Variants in TDRD1 observed in about 807,000 individuals in gnomAD.
TDRD1 encodes the protein tudor domain containing 1, also known as tudor domain-containing protein 1.
Under a neutral mutation model 140.6 loss-of-function variants are expected in TDRD1, and 37 were observed. The observed-to-expected ratio is 0.26, with a 90% CI of 0.20 to 0.35. The LOEUF (loss-of-function observed/expected upper bound fraction) is 0.35. Among genes scored for constraint, TDRD1 ranks in the 10% least tolerant of loss-of-function variants. The pLI is 1.00. For synonymous variants in TDRD1, 506 were observed against 475.7 expected (o/e 1.06, Z -0.83); for missense variants, 1,243 against 1,393.0 (o/e 0.89, Z 1.71).
exon 2 of TDRD1, chr10:114,187,917 A>G (rs747219595): frequency 3.7e-6 from 6 of 1,613,254 alleles, no homozygotes; most frequent in South Asian, 1.1e-5. Flanking sequence ...TTTAATTTTG[A>G]GAAAAATGAA....
At chr10:114,217,841 G>T (rs1375510747) in intron 17 of TDRD1, among the ~76,000 whole-genome samples, 186 bp downstream of exon 17, 4 of 151,988 alleles carry the variant, frequency 2.6e-5, no homozygotes, top group African/African-American at 9.7e-5. Context: ...ATACTTTCTT[G>T]CCTTAACTTT....
At chr10:114,178,877 A>C (rs1468071367), upstream of TDRD1, among the ~76,000 whole-genome samples, 1 of 152,076 alleles carries the variant, frequency 6.6e-6, no homozygotes, top group Non-Finnish European at 1.5e-5. Flanking sequence ...CAAAAAAAAA[A>C]AAAAACAAAA....
At chr10:114,207,329 C>G (rs967792497) in intron 11 of TDRD1, among the ~76,000 whole-genome samples, 6 of 152,192 alleles carry the variant, frequency 3.9e-5, no homozygotes, top group African/African-American at 1.4e-4. Flanking sequence ...ATCCTTTGCC[C>G]TAATTGGTTG....
At chr10:114,204,973 A>G in intron 10 of TDRD1, 80 bp downstream of exon 10, 1 of 1,320,736 alleles carries the variant, frequency 7.6e-7, no homozygotes, top group Non-Finnish European at 1.0e-6. Flanking sequence ...GGAAACATCA[A>G]GTGAGGCCAG....
intron 3 of TDRD1, among the ~76,000 whole-genome samples, chr10:114,196,485 A>C (rs1413596670): frequency 1.3e-5 from 2 of 152,098 alleles, no homozygotes; most frequent in Non-Finnish European, 2.9e-5. Context: ...TCTGGCCTCC[A>C]TGGTCTCTAA....
At chr10:114,193,885 A>C (rs772797861) in intron 3 of TDRD1, among the ~76,000 whole-genome samples, 4 of 152,132 alleles carry the variant, frequency 2.6e-5, no homozygotes, top group Non-Finnish European at 4.4e-5. Flanking sequence ...CTCTAGTCCT[A>C]CTTTTCTGAT....
At chr10:114,221,411 T>C (rs1167808824) in exon 20 of TDRD1, 1 of 1,613,374 alleles carries the variant, frequency 6.2e-7, no homozygotes, top group Admixed American at 1.7e-5. Context: ...GATAAAACTA[T>C]ACAAGCAAAT....
intron 21 of TDRD1, 55 bp downstream of exon 21, chr10:114,222,758 T>A: frequency 1.0e-6 from 1 of 1,002,788 alleles, no homozygotes; most frequent in Non-Finnish European, 1.6e-6. Flanking sequence ...TGTTTTGTTC[T>A]ACATGATACT....
intron 2 of TDRD1, 91 bp downstream of exon 2, chr10:114,188,247 TAGC>T: frequency 8.8e-7 from 1 of 1,141,198 alleles, no homozygotes; most frequent in Non-Finnish European, 1.2e-6. Flanking sequence ...AGTGGGCTAT[TAGC>T]AGAACAGGCA....
Position 114,186,724 on chromosome 10 carries a change from T to C in TDRD1, c.-6-1102T>C, listed in dbSNP as rs185721059. On this transcript the variant is annotated intron_variant, in intron 1 of 25. Transcript: ENST00000251864. ...CATCGCTGCCCACCTGCAGTCATTC[T>C]GTTAGGGGTCTTCTCAGGGTCTGGT... is the stretch of plus-strand genomic sequence containing the variant. Among the ~76,000 whole-genome samples, 148 of 152,342 alleles carry C rather than the reference T, an allele frequency of 9.7e-4. 1 individual carries two copies. The East Asian group carries it at 0.024, about 25-fold the overall frequency.
intron 18 of TDRD1, among the ~76,000 whole-genome samples, chr10:114,219,036 G>A (rs916634487): frequency 6.6e-6 from 1 of 152,220 alleles, no homozygotes. Flanking sequence ...ATTTTGTAGG[G>A]TTGTTGGGAG....
rs138960953 is a variant in TDRD1, at chr10:114,225,392, G to C, written c.3008-657G>C. 4.4e-3 allele frequency among the ~76,000 whole-genome samples: 676 copies of C among 152,234 alleles called. 1 individual carries two copies. The highest frequency in any genetic ancestry group is 7.6e-3 in the Non-Finnish European group (520 of 68,016). On this transcript the variant is annotated intron_variant, in intron 21 of 25. Transcript: ENST00000251864. ...AGCAGCACCAATCGTTGAGACTTCA[G>C]GGGTTGGGGATTTGTGATGCAAGCT... is the stretch of plus-strand genomic sequence containing the variant.
chr10:114,203,670 G>A, intron 8 of TDRD1, 103 bp downstream of exon 8: 1 of 1,042,548 alleles, frequency 9.6e-7, no homozygotes, highest in South Asian at 1.7e-5. Context: ...CTTAAAGCCA[G>A]CCTCTGATCA....
At chr10:114,220,585 A>G (rs2036079691) in exon 19 of TDRD1, 1 of 1,612,992 alleles carries the variant, frequency 6.2e-7, no homozygotes, top group Non-Finnish European at 8.5e-7. Flanking sequence ...GTCTAGAAAC[A>G]AACATTGGTC....
At chr10:114,206,118 A>T in intron 10 of TDRD1, 126 bp from the exon 11 acceptor site, 1 of 716,616 alleles carries the variant, frequency 1.4e-6, no homozygotes, top group Non-Finnish European at 2.3e-6. Flanking sequence ...AATTGGCAAA[A>T]CATATACCAA....
At chr10:114,175,079 AAC>A (rs1320952787), upstream of TDRD1, among the ~76,000 whole-genome samples, 2 of 152,232 alleles carry the variant, frequency 1.3e-5, no homozygotes, top group East Asian at 1.9e-4. Context: ...CTGTTGGCAA[AAC>A]ACACACACGG....
At chr10:114,185,521 A>G (rs181632657) in intron 1 of TDRD1, among the ~76,000 whole-genome samples, 1 of 151,898 alleles carries the variant, frequency 6.6e-6, no homozygotes, top group African/African-American at 2.4e-5. Context: ...AAATATCTTC[A>G]CGTGTCTCAA....
chr10:114,186,304 C>T (rs2033518945), intron 1 of TDRD1, among the ~76,000 whole-genome samples: 2 of 152,090 alleles, frequency 1.3e-5, no homozygotes, highest in South Asian at 2.1e-4. Context: ...CGCTGTGTTG[C>T]CCAGGTTGAA....
chr10:114,204,774 G>A lies in TDRD1; in HGVS notation c.1178G>A (p.Ser393Asn), dbSNP rs370414474. ...ATCCCAGCAGAAGGGAATTGGAGCAGTGATTGTATCAAAGCTACTAAACCA... is the reference window on the plus strand; with the variant it reads ...ATCCCAGCAGAAGGGAATTGGAGCAATGATTGTATCAAAGCTACTAAACCA... The change falls in exon 10 of 26, where the codon AGT becomes AAT. Residue 393 changes from serine to asparagine, a missense_variant. Ser to Asn is a conservative substitution (Grantham distance 46). This residue lies in a region of TDRD1 where 392 missense variants were observed against 394.1 expected (regional missense o/e 0.99). Transcript: ENST00000251864. 8.1e-6 allele frequency: 13 copies of A among 1,602,384 alleles called. No homozygotes were observed. The African/African-American group carries it at 1.6e-4, about 20-fold the overall frequency.
Sources: allele counts gnomAD v4.1 joint callset (sites outside exome capture counted in the v4.1 genomes callset), GRCh38; gene constraint gnomAD v4.1.1; regional missense constraint gnomAD v4.1.1; transcripts MANE v1.5; gene names NCBI Gene and HGNC (gene_info 2026-07-23, HGNC 2026-07-21).